The following UBR1 variants were observed in gnomAD, a reference collection of about 807,000 sequenced individuals.
UBR1 encodes the protein E3 ubiquitin-protein ligase UBR1.
UBR1 carries 102 observed loss-of-function variants against 242.1 expected under a neutral mutation model. The ratio of observed to expected loss-of-function variants is 0.42; its 90% CI spans 0.36 to 0.50. UBR1 has a LOEUF of 0.50. Ranked by LOEUF, UBR1 falls within the 20% of genes least tolerant of loss-of-function variation. UBR1 has a pLI of 0.01. For synonymous variants in UBR1, 675 were observed against 684.8 expected (o/e 0.99, Z 0.22); for missense variants, 1,772 against 2,101.8 (o/e 0.84, Z 3.07).
At chr15:43,090,804 A>T (rs2034097255) in intron 1 of UBR1, among the ~76,000 whole-genome samples, 1 of 152,228 alleles carries the variant, frequency 6.6e-6, no homozygotes, top group African/African-American at 2.4e-5. Flanking sequence ...AGGGAAGTAA[A>T]CTGACTTGTC....
chr15:43,064,577 CTTTT>C (rs35224418), intron 6 of UBR1, among the ~76,000 whole-genome samples: 1 of 138,842 alleles, frequency 7.2e-6, no homozygotes. Context: ...TATCTTACAT[CTTTT>C]TTTTTTTTTT....
intron 7 of UBR1, 40 bp downstream of exon 7, chr15:43,060,012 A>G: frequency 6.2e-7 from 1 of 1,606,290 alleles, no homozygotes; most frequent in Non-Finnish European, 8.5e-7. Context: ...ATGTACATTC[A>G]TCTTTAACTT....
Position 43,099,050 on chromosome 15 carries a change from C to T in UBR1, c.81+6892G>A, listed in dbSNP as rs139944385. Among the ~76,000 whole-genome samples, 6 of 152,204 alleles carry T rather than the reference C, an allele frequency of 3.9e-5. No homozygotes were observed. The East Asian group carries it at 1.2e-3, about 29-fold the overall frequency. On this transcript the variant is annotated intron_variant, in intron 1 of 46. Transcript: ENST00000290650. ...GATTATGTTGTATTTTAAAGATCCC[C>T]TATAGCCCAGGCACGGTGGCTCACA... is the stretch of plus-strand genomic sequence containing the variant.
chr15:43,089,623 A>C (rs1411306524), intron 1 of UBR1, among the ~76,000 whole-genome samples: 4 of 152,164 alleles, frequency 2.6e-5, no homozygotes, highest in Non-Finnish European at 4.4e-5. Flanking sequence ...TTTCTTTTTA[A>C]TAGAGAAGGG....
intron 37 of UBR1, among the ~76,000 whole-genome samples, chr15:42,978,369 G>C (rs1596083057): frequency 6.6e-6 from 1 of 152,326 alleles, no homozygotes. Flanking sequence ...ATGCAAAACA[G>C]AGTAGGTAAA....
At chr15:42,952,806 T>C (rs1340945319) in intron 44 of UBR1, among the ~76,000 whole-genome samples, 1 of 152,228 alleles carries the variant, frequency 6.6e-6, no homozygotes, top group African/African-American at 2.4e-5. Context: ...CTCTGTATTG[T>C]GTTAGTCAAG....
chr15:42,974,753 C>G (rs1339968177), intron 39 of UBR1, among the ~76,000 whole-genome samples: 6 of 152,076 alleles, frequency 3.9e-5, no homozygotes, highest in Admixed American at 3.9e-4. Flanking sequence ...GGACTATAGG[C>G]ATGTGCCACC....
At chr15:43,026,689 A>G (rs1469093383) in intron 22 of UBR1, 26 bp from the exon 23 acceptor site, 1 of 1,562,798 alleles carries the variant, frequency 6.4e-7, no homozygotes, top group South Asian at 1.1e-5. Flanking sequence ...ATACAAGATG[A>G]ACTGCAGTGT....
At chr15:43,082,800 G>A (rs916386961) in intron 2 of UBR1, 84 bp from the exon 3 acceptor site, 19 of 994,824 alleles carry the variant, frequency 1.9e-5, no homozygotes, top group Non-Finnish European at 2.7e-5. Flanking sequence ...ATGTGAACAA[G>A]TTTCCTCTAT....
intron 27 of UBR1, among the ~76,000 whole-genome samples, chr15:43,019,247 TAG>T (rs2033071627): frequency 6.6e-6 from 1 of 152,094 alleles, no homozygotes; most frequent in Admixed American, 6.5e-5. Context: ...GTATTTTTAG[TAG>T]AGACGGGGTT....
chr15:42,952,828 G>A (rs1335447601), intron 44 of UBR1, among the ~76,000 whole-genome samples: 1 of 152,042 alleles, frequency 6.6e-6, no homozygotes, highest in Non-Finnish European at 1.5e-5. Context: ...TTGTGTCTTC[G>A]ATGTTGAAGG....
At chr15:43,026,100 C>G (rs936364748) in intron 23 of UBR1, 2 of 166,152 alleles carry the variant, frequency 1.2e-5, no homozygotes, top group African/African-American at 4.8e-5. Flanking sequence ...GGCATGGTGG[C>G]ATGTGCCTAT....
intron 3 of UBR1, among the ~76,000 whole-genome samples, chr15:43,081,611 A>G (rs1033108787): frequency 2.0e-5 from 3 of 152,108 alleles, no homozygotes; most frequent in Non-Finnish European, 4.4e-5. Context: ...TCATTTGTAT[A>G]TATTCTTGAT....
intron 22 of UBR1, 53 bp downstream of exon 22, chr15:43,027,723 A>G: frequency 6.5e-7 from 1 of 1,540,630 alleles, no homozygotes; most frequent in East Asian, 2.3e-5. Flanking sequence ...TCCAAAGTAC[A>G]AGAACAAAGA....
At chr15:43,076,355 C>T in intron 3 of UBR1, among the ~76,000 whole-genome samples, 1 of 152,204 alleles carries the variant, frequency 6.6e-6, no homozygotes, top group Non-Finnish European at 1.5e-5. Context: ...AGCCGCCTGC[C>T]TTGGCCTCCC....
Position 43,075,075 on chromosome 15 carries a change from A to C in UBR1, c.432T>G (p.Thr144=). 1 of 1,613,778 alleles carries C rather than the reference A, an allele frequency of 6.2e-7. No individual in the cohort carries two copies. The highest frequency in any genetic ancestry group is 2.2e-5 in the East Asian group (1 of 44,850). ...CTCCACAGTCACAGAACCCTCCTCC[A>C]GTAGAAGTATGCATCTGATAAAGGA... ...KNHRYKMHTS[T]GGGFCDCGDT... is the part of the protein sequence containing the mutation. Residue 144 remains threonine (T), a synonymous_variant, in exon 4 of 47, where the codon ACT becomes ACG. Transcript: ENST00000290650.
At chr15:43,071,125 G>C (rs1404252758) in intron 4 of UBR1, among the ~76,000 whole-genome samples, 200 bp from the exon 5 acceptor site, 1 of 152,204 alleles carries the variant, frequency 6.6e-6, no homozygotes, top group Non-Finnish European at 1.5e-5. Flanking sequence ...TGGTGTTACT[G>C]ATGACAGAAA....
intron 35 of UBR1, among the ~76,000 whole-genome samples, chr15:42,986,979 C>T (rs1201825692): frequency 6.6e-6 from 1 of 152,220 alleles, no homozygotes; most frequent in Non-Finnish European, 1.5e-5. Flanking sequence ...AAGCCGCCAG[C>T]CCACTGACCC....
intron 30 of UBR1, among the ~76,000 whole-genome samples, chr15:43,004,468 C>T (rs1290453166): frequency 2.0e-5 from 3 of 152,180 alleles, no homozygotes; most frequent in Non-Finnish European, 2.9e-5. Context: ...CGGCTCACTG[C>T]AACCTCCCTG....
Sources: allele counts gnomAD v4.1 joint callset (sites outside exome capture counted in the v4.1 genomes callset), GRCh38; gene constraint gnomAD v4.1.1; transcripts MANE v1.5; gene names NCBI Gene and HGNC (gene_info 2026-07-23, HGNC 2026-07-21).